SGCD: variants seen among roughly 807,000 people sequenced by gnomAD.
SGCD encodes delta-sarcoglycan.
In SGCD, 18 loss-of-function variants were observed where a neutral mutation model predicts 36.6. The ratio of observed to expected loss-of-function variants is 0.49; its 90% CI spans 0.34 to 0.73. SGCD has a LOEUF of 0.73. Ranked by LOEUF, SGCD falls within the 30% of genes least tolerant of loss-of-function variation. The pLI, the probability that SGCD is intolerant of heterozygous loss-of-function variation, is 0.01. For missense variants in SGCD, 387 were observed against 346.7 expected, an observed-to-expected ratio of 1.12 and a Z score of -0.92; for synonymous variants, 133 against 130.6, an observed-to-expected ratio of 1.02 and a Z score of -0.12.
At chr5:156,713,843 G>A (rs888171759) in intron 7 of SGCD, among the ~76,000 whole-genome samples, 8 of 152,154 alleles carry the variant, frequency 5.3e-5, no homozygotes, top group Admixed American at 1.3e-4. Context: ...AAGGAGTTAC[G>A]TATTACACAG....
intron 2 of SGCD, among the ~76,000 whole-genome samples, chr5:156,119,840 G>A (rs17538098): frequency 0.1 from 15,276 of 152,052 alleles, 1,035 homozygotes; most frequent in Non-Finnish European, 0.15. Flanking sequence ...AACCATTAGA[G>A]AGGTGTGGTT....
At chr5:156,449,700 A>AAAAAAAAAAC in intron 3 of SGCD, among the ~76,000 whole-genome samples, 2 of 148,806 alleles carry the variant, frequency 1.3e-5, no homozygotes, top group Non-Finnish European at 3.0e-5. Flanking sequence ...AAAAAAAAAA[A>AAAAAAAAAAC]AATCAGCCGG....
intron 4 of SGCD, among the ~76,000 whole-genome samples, chr5:156,584,235 T>C (rs956477505): frequency 7.2e-5 from 11 of 152,232 alleles, no homozygotes; most frequent in African/African-American, 2.2e-4. Flanking sequence ...TCTATGTTTT[T>C]GCTAAAATGT....
At chr5:155,882,218 A>G (rs949475182) in intron 1 of SGCD, among the ~76,000 whole-genome samples, 1 of 151,910 alleles carries the variant, frequency 6.6e-6, no homozygotes, top group South Asian at 2.1e-4. Context: ...GATCCTTGCA[A>G]GTAGCTGGGT....
chr5:156,087,367 G>A (rs1212338053), intron 1 of SGCD, among the ~76,000 whole-genome samples: 2 of 152,122 alleles, frequency 1.3e-5, no homozygotes, highest in East Asian at 1.9e-4. Context: ...AGCTGGGCAC[G>A]GTGGCTCATA....
chr5:156,200,053 T>C (rs1042650655), intron 3 of SGCD, among the ~76,000 whole-genome samples: 2 of 152,182 alleles, frequency 1.3e-5, no homozygotes, highest in Non-Finnish European at 1.5e-5. Flanking sequence ...CTCATACTTA[T>C]AGCTTGGAAG....
chr5:156,136,087 C>T (rs1269743808), intron 3 of SGCD, among the ~76,000 whole-genome samples: 1 of 152,084 alleles, frequency 6.6e-6, no homozygotes, highest in Non-Finnish European at 1.5e-5. Context: ...TCTTCCAATA[C>T]ATTACCTTCA....
intron 3 of SGCD, among the ~76,000 whole-genome samples, chr5:156,156,999 A>G (rs1762978518): frequency 6.6e-6 from 1 of 151,656 alleles, no homozygotes; most frequent in Non-Finnish European, 1.5e-5. Context: ...AGCAGGCTCA[A>G]AGATTTATTG....
At chr5:156,095,984 C>A (rs1419665611) in intron 1 of SGCD, among the ~76,000 whole-genome samples, 4 of 152,202 alleles carry the variant, frequency 2.6e-5, no homozygotes, top group African/African-American at 9.7e-5. Context: ...AGTTCTGAAG[C>A]CCATTGACTT....
intron 1 of SGCD, among the ~76,000 whole-genome samples, chr5:156,073,394 CA>C (rs1157990751): frequency 2.0e-5 from 3 of 152,064 alleles, no homozygotes; most frequent in African/African-American, 7.2e-5. Context: ...CTTGCCTCTA[CA>C]AAAATTGGCC....
intron 1 of SGCD, among the ~76,000 whole-genome samples, chr5:156,050,153 C>T (rs1022499851): frequency 6.8e-6 from 1 of 146,660 alleles, no homozygotes; most frequent in African/African-American, 2.5e-5. Flanking sequence ...ATCAGCATCG[C>T]ATGCCATAGA....
the SGCD span, among the ~76,000 whole-genome samples, chr5:155,816,515 G>A: frequency 2.8e-4 from 42 of 152,272 alleles, no homozygotes; most frequent in African/African-American, 9.1e-4. Flanking sequence ...GGAGAGTTTC[G>A]TCTTGTTGTC....
chr5:155,889,278 C>A (rs570695428), intron 1 of SGCD, among the ~76,000 whole-genome samples: 24 of 151,926 alleles, frequency 1.6e-4, no homozygotes, highest in African/African-American at 5.3e-4. Context: ...AAAAAAAATT[C>A]AAAAAAATGA....
rs1381534182 is a variant in SGCD at position 156,388,453 on chromosome 5, G to A, written c.192+43776G>A. On this transcript the variant is annotated intron_variant, in intron 3 of 8. Coordinates refer to ENST00000337851, the MANE Select transcript of SGCD (RefSeq NM_000337.6). ...GGCAGTAATCAAACGACTATCAGAT[G>A]TGCCCAATCAGTTGTTATTTCATTT... Among the ~76,000 whole-genome samples the A allele has an allele frequency of 3.9e-5, 6 of 152,296 alleles. No homozygotes were observed. The East Asian group carries it at 7.7e-4, about 20-fold the overall frequency.
the SGCD span, among the ~76,000 whole-genome samples, chr5:155,842,855 A>T: frequency 6.6e-6 from 1 of 152,230 alleles, no homozygotes; most frequent in South Asian, 2.1e-4. Flanking sequence ...TCTTAAAAAT[A>T]CTTAGTTTTT....
At chr5:156,325,559 C>T (rs928924821), upstream of SGCD, among the ~76,000 whole-genome samples, 9 of 152,004 alleles carry the variant, frequency 5.9e-5, no homozygotes, top group Admixed American at 3.9e-4. Flanking sequence ...AAGATTAGAC[C>T]CAGGCTATCT....
the SGCD span, among the ~76,000 whole-genome samples, chr5:155,803,982 A>T: frequency 6.6e-6 from 1 of 152,278 alleles, no homozygotes; most frequent in African/African-American, 2.4e-5. Flanking sequence ...AATAGAAAGG[A>T]TTATCTCAAA....
intron 7 of SGCD, among the ~76,000 whole-genome samples, chr5:156,715,032 A>G (rs977665612): frequency 6.6e-6 from 1 of 152,194 alleles, no homozygotes; most frequent in Non-Finnish European, 1.5e-5. Context: ...GGCTCAGGAA[A>G]GGGCTCATTG....
At chr5:156,452,873 T>C (rs1207123885) in intron 3 of SGCD, among the ~76,000 whole-genome samples, 4 of 152,100 alleles carry the variant, frequency 2.6e-5, no homozygotes, top group Admixed American at 2.6e-4. Context: ...AAGAATGGAA[T>C]AAAGAAAAGA....
Sources: allele counts gnomAD v4.1 joint callset (sites outside exome capture counted in the v4.1 genomes callset), GRCh38; gene constraint gnomAD v4.1.1; transcripts MANE v1.5; gene names NCBI Gene and HGNC (gene_info 2026-07-23, HGNC 2026-07-21).